Variants in SHISA9 observed in about 807,000 individuals in gnomAD.
SHISA9 encodes shisa family member 9, also known as protein shisa-9.
A neutral mutation model predicts 38.0 loss-of-function variants in SHISA9; 13 were observed. That is an observed-to-expected ratio of 0.34 (90% CI 0.22 to 0.54). SHISA9 has a LOEUF of 0.54. Among genes scored for constraint, SHISA9 ranks in the 20% least tolerant of loss-of-function variants. The pLI, the probability that SHISA9 is intolerant of heterozygous loss-of-function variation, is 0.91. For synonymous variants in SHISA9, 275 were observed against 242.0 expected, an observed-to-expected ratio of 1.14 and a Z score of -1.27; for missense variants, 538 against 575.8, an observed-to-expected ratio of 0.93 and a Z score of 0.67.
chr16:13,080,376 AAAAT>A (rs1254343112), intron 2 of SHISA9, among the ~76,000 whole-genome samples: 1 of 152,230 alleles, frequency 6.6e-6, no homozygotes, highest in Non-Finnish European at 1.5e-5. Context: ...CCGTCTCAAA[AAAAT>A]AAATAAATAA....
At chr16:13,371,633 T>G in the SHISA9 span, among the ~76,000 whole-genome samples, 1 of 152,114 alleles carries the variant, frequency 6.6e-6, no homozygotes, top group Admixed American at 6.6e-5. Flanking sequence ...GAAAAAAGAG[T>G]AAGATTAGCG....
intron 2 of SHISA9, among the ~76,000 whole-genome samples, chr16:13,016,142 C>G (rs2141858707): frequency 6.6e-6 from 1 of 150,856 alleles, no homozygotes; most frequent in East Asian, 2.0e-4. Flanking sequence ...CCTGTGTCTG[C>G]TAATTTTTTG....
At chr16:13,509,617 C>A in the SHISA9 span, among the ~76,000 whole-genome samples, 19 of 152,158 alleles carry the variant, frequency 1.2e-4, no homozygotes, top group African/African-American at 4.6e-4. Flanking sequence ...GCCCATGGAT[C>A]TCAAGTATTT....
chr16:13,011,001 T>G (rs1175562159), intron 2 of SHISA9, among the ~76,000 whole-genome samples: 1 of 152,164 alleles, frequency 6.6e-6, no homozygotes, highest in Non-Finnish European at 1.5e-5. Flanking sequence ...AGTTTCTGAA[T>G]GGGATCCTTC....
intron 2 of SHISA9, among the ~76,000 whole-genome samples, chr16:13,018,148 C>T (rs1000367665): frequency 2.0e-5 from 3 of 152,226 alleles, no homozygotes; most frequent in Non-Finnish European, 4.4e-5. Flanking sequence ...CTGTTCTTCT[C>T]CCTCCTAAGT....
At chr16:13,450,816 C>G in the SHISA9 span, among the ~76,000 whole-genome samples, 2 of 152,164 alleles carry the variant, frequency 1.3e-5, no homozygotes, top group African/African-American at 4.8e-5. Flanking sequence ...TTAACATGTG[C>G]TAGCGATCTG....
At chr16:12,959,906 T>A (rs1040523835) in intron 2 of SHISA9, among the ~76,000 whole-genome samples, 16 of 152,234 alleles carry the variant, frequency 1.1e-4, no homozygotes, top group Non-Finnish European at 2.1e-4. Flanking sequence ...AAATGCTTTT[T>A]AAAAAATTAA....
intron 2 of SHISA9, among the ~76,000 whole-genome samples, chr16:13,022,010 G>C (rs938821871): frequency 6.6e-6 from 1 of 152,168 alleles, no homozygotes; most frequent in Non-Finnish European, 1.5e-5. Context: ...CTGAGGTCTC[G>C]AGAGAGAATT....
At chr16:13,042,021 G>A (rs1034980542) in intron 2 of SHISA9, among the ~76,000 whole-genome samples, 3 of 152,208 alleles carry the variant, frequency 2.0e-5, no homozygotes, top group African/African-American at 7.2e-5. Flanking sequence ...ATTTTGAGGA[G>A]GGATTGTAGC....
chr16:12,969,027 C>A (rs754552683), intron 2 of SHISA9, among the ~76,000 whole-genome samples: 2 of 151,802 alleles, frequency 1.3e-5, no homozygotes, highest in Non-Finnish European at 2.9e-5. Context: ...CGTGGTGGTG[C>A]GCACCTGTAG....
the SHISA9 span, among the ~76,000 whole-genome samples, chr16:13,528,369 C>T: frequency 6.6e-6 from 1 of 150,658 alleles, no homozygotes; most frequent in Non-Finnish European, 1.5e-5. Flanking sequence ...TAAAAGTTCT[C>T]AGTGAAGGAA....
the SHISA9 span, among the ~76,000 whole-genome samples, chr16:13,267,818 G>A: frequency 6.6e-6 from 1 of 151,152 alleles, no homozygotes; most frequent in East Asian, 2.0e-4. Context: ...GTGGTTGTGA[G>A]AATTTGGCCA....
intron 2 of SHISA9, among the ~76,000 whole-genome samples, chr16:13,066,258 A>G (rs2073433767): frequency 1.3e-5 from 2 of 152,208 alleles, no homozygotes; most frequent in African/African-American, 4.8e-5. Context: ...TGTAGTGTGA[A>G]TCAGAAATGG....
chr16:13,233,433 A>G (rs1363501234), intron 4 of SHISA9, among the ~76,000 whole-genome samples: 3 of 152,204 alleles, frequency 2.0e-5, no homozygotes, highest in Middle Eastern at 3.2e-3. Flanking sequence ...AACAATGTTT[A>G]TACTCTTTGG....
At chr16:12,974,006 G>A (rs961829225) in intron 2 of SHISA9, among the ~76,000 whole-genome samples, 2 of 152,170 alleles carry the variant, frequency 1.3e-5, no homozygotes, top group African/African-American at 2.4e-5. Context: ...TGGAAGTGAG[G>A]CCCAGAGTGG....
the SHISA9 span, among the ~76,000 whole-genome samples, chr16:13,289,180 C>T: frequency 6.6e-6 from 1 of 152,136 alleles, no homozygotes; most frequent in Admixed American, 6.6e-5. Flanking sequence ...CCTAGCCCAC[C>T]CTCCTCTCCT....
chr16:13,030,825 G>A (rs1180527431), intron 2 of SHISA9, among the ~76,000 whole-genome samples: 1 of 152,170 alleles, frequency 6.6e-6, no homozygotes, highest in African/African-American at 2.4e-5. Context: ...TTATAGGAGA[G>A]GAACGCAATG....
intron 2 of SHISA9, among the ~76,000 whole-genome samples, chr16:13,043,543 C>G (rs780888426): frequency 1.3e-5 from 2 of 152,130 alleles, no homozygotes; most frequent in African/African-American, 2.4e-5. Flanking sequence ...ATATTAATTG[C>G]AAAAACCACA....
At chr16:13,297,642 T>A in the SHISA9 span, among the ~76,000 whole-genome samples, 1 of 152,208 alleles carries the variant, frequency 6.6e-6, no homozygotes, top group Non-Finnish European at 1.5e-5. Flanking sequence ...TGAAGAATAG[T>A]GAAAAGAATG....
Sources: allele counts gnomAD v4.1 joint callset (sites outside exome capture counted in the v4.1 genomes callset), GRCh38; gene constraint gnomAD v4.1.1; transcripts MANE v1.5; gene names NCBI Gene and HGNC (gene_info 2026-07-23, HGNC 2026-07-21).